CACNA1E: variants seen among roughly 807,000 people sequenced by gnomAD.
The protein encoded by CACNA1E is calcium voltage-gated channel subunit alpha1 E, also known as voltage-dependent R-type calcium channel subunit alpha-1E.
A neutral mutation model predicts 259.2 loss-of-function variants in CACNA1E; 40 were observed. That is an observed-to-expected ratio of 0.15 (90% CI 0.12 to 0.20). CACNA1E has a LOEUF of 0.20. Ranked by LOEUF, CACNA1E falls within the 10% of genes least tolerant of loss-of-function variation. The pLI is 1.00. For synonymous variants in CACNA1E, 1,104 were observed against 1,138.5 expected, an observed-to-expected ratio of 0.97 and a Z score of 0.61; for missense variants, 1,874 against 3,040.1, an observed-to-expected ratio of 0.62 and a Z score of 9.02.
intron 2 of CACNA1E, among the ~76,000 whole-genome samples, chr1:181,472,730 T>C (rs1234934372): frequency 5.9e-5 from 9 of 152,200 alleles, no homozygotes; most frequent in African/African-American, 2.2e-4. Context: ...TGCGTGTGTG[T>C]GCGCGCGCAC....
chr1:181,660,426 G>C (rs912692874), intron 7 of CACNA1E, among the ~76,000 whole-genome samples: 1 of 152,208 alleles, frequency 6.6e-6, no homozygotes, highest in Admixed American at 6.5e-5. Flanking sequence ...AGTCCAGAAG[G>C]CTAGTCCCTC....
Position 181,756,910 on chromosome 1 carries a change from G to T in CACNA1E, c.4128-15G>T, listed in dbSNP as rs746390981. The T allele has an allele frequency of 5.7e-6, 9 of 1,590,582 alleles. No homozygotes were observed. Among genetic ancestry groups the T allele is most frequent in the Non-Finnish European group, 7.8e-6 (9 of 1,158,750 alleles). ...TGTCATCCACCATCTGTGCCCTCTT[G>T]TTCTGTCCCCATAGAGTTCTGCAGC... On this transcript the variant is annotated splice_polypyrimidine_tract_variant and intron_variant, in intron 29 of 47. Transcript: ENST00000367573.
At chr1:181,597,374 G>A (rs1251520709) in intron 6 of CACNA1E, among the ~76,000 whole-genome samples, 1 of 152,214 alleles carries the variant, frequency 6.6e-6, no homozygotes, top group African/African-American at 2.4e-5. Context: ...TCACCAGGGA[G>A]TGAAGCCTCT....
intron 7 of CACNA1E, among the ~76,000 whole-genome samples, chr1:181,659,717 C>T (rs939622038): frequency 6.6e-6 from 1 of 152,178 alleles, no homozygotes; most frequent in Non-Finnish European, 1.5e-5. Context: ...TTCAAAGCAC[C>T]TTTGCTTTTG....
At chr1:181,675,425 C>A (rs1037882944) in intron 7 of CACNA1E, among the ~76,000 whole-genome samples, 1 of 152,146 alleles carries the variant, frequency 6.6e-6, no homozygotes, top group African/African-American at 2.4e-5. Flanking sequence ...AAAAATTTAC[C>A]TGATGGTGCT....
At chr1:181,360,875 T>C (rs998453500) in intron 1 of CACNA1E, among the ~76,000 whole-genome samples, 1 of 152,016 alleles carries the variant, frequency 6.6e-6, no homozygotes, top group African/African-American at 2.4e-5. Flanking sequence ...CAACTATATC[T>C]TTTCCAAGAT....
intron 6 of CACNA1E, among the ~76,000 whole-genome samples, chr1:181,620,119 T>C (rs1347879594): frequency 6.6e-6 from 1 of 152,118 alleles, no homozygotes; most frequent in East Asian, 1.9e-4. Flanking sequence ...ATGGCCAAGA[T>C]AGGGTTTTCT....
At chr1:181,330,295 A>G (rs1222896967) in intron 1 of CACNA1E, among the ~76,000 whole-genome samples, 1 of 148,618 alleles carries the variant, frequency 6.7e-6, no homozygotes, top group Non-Finnish European at 1.5e-5. Flanking sequence ...TTTCACCACC[A>G]CCCCTCCCTG....
In CACNA1E at chr1:181,758,029, T is replaced by C. The variant is rs1298140930; in HGVS notation, c.4412T>C (p.Val1471Ala). 1.2e-6 allele frequency: 2 copies of C among 1,613,948 alleles called. No individual in the cohort carries two copies. The highest frequency in any genetic ancestry group is 1.7e-6 in the Non-Finnish European group (2 of 1,179,844). ...PQNRHTFQYR[V>A]WHFVVSPSFE... is the part of the protein sequence containing the mutation. ...AACAGACACACCTTCCAGTACCGCG[T>C]GTGGCACTTTGTGGTGTCTCCGTCC... Residue 1471 changes from valine to alanine, a missense_variant, in exon 31 of 48, where the codon GTG becomes GCG. By Grantham distance (64) the Val-to-Ala change is moderately conservative. Transcript: ENST00000367573. The surrounding 1 kb of genome is among the most constrained non-coding windows in gnomAD (Gnocchi z 4.2).
At chr1:181,324,968 G>A (rs549146296) in intron 1 of CACNA1E, among the ~76,000 whole-genome samples, 1 of 152,260 alleles carries the variant, frequency 6.6e-6, no homozygotes, top group South Asian at 2.1e-4. Flanking sequence ...TTCCCATGCT[G>A]CACAGGATGC....
At chr1:181,482,907 C>G (rs1558039444), upstream of CACNA1E, among the ~76,000 whole-genome samples, 2 of 152,270 alleles carry the variant, frequency 1.3e-5, no homozygotes, top group African/African-American at 4.8e-5. Flanking sequence ...GGCGAGCGCT[C>G]CGGGCGGATG....
Position 181,726,180 on chromosome 1 carries a change from T to A in CACNA1E, c.2240+18T>A. ...TCGATCGAGTGAGTCAGCTGCCCCC[T>A]TCACTGATCCCTGAGCTCCTGTGCT... is the stretch of plus-strand genomic sequence containing the variant. On this transcript the variant is annotated intron_variant, in intron 18 of 47. Transcript: ENST00000367573. 6.3e-7 allele frequency: 1 copy of A among 1,576,704 alleles called. No individual in the cohort carries two copies. Among genetic ancestry groups the A allele is most frequent in the Non-Finnish European group, 8.7e-7 (1 of 1,150,152 alleles).
intron 37 of CACNA1E, among the ~76,000 whole-genome samples, chr1:181,774,509 G>C (rs1204222553): frequency 2.6e-5 from 4 of 152,366 alleles, no homozygotes; most frequent in Non-Finnish European, 5.9e-5. Flanking sequence ...CAGGCAGTCT[G>C]TTTATGGTGG....
At chr1:181,697,383 G>T (rs1344150347) in intron 7 of CACNA1E, among the ~76,000 whole-genome samples, 1 of 152,210 alleles carries the variant, frequency 6.6e-6, no homozygotes, top group Non-Finnish European at 1.5e-5. Flanking sequence ...TTTAAAAAGT[G>T]AGCTAGTATC....
intron 1 of CACNA1E, among the ~76,000 whole-genome samples, chr1:181,321,597 G>C (rs1299307599): frequency 6.6e-6 from 1 of 152,212 alleles, no homozygotes; most frequent in Non-Finnish European, 1.5e-5. Flanking sequence ...CTAGTTGATA[G>C]TGTGTTGGTT....
At chr1:181,347,076 T>C (rs1312943621) in intron 1 of CACNA1E, among the ~76,000 whole-genome samples, 1 of 152,184 alleles carries the variant, frequency 6.6e-6, no homozygotes, top group Non-Finnish European at 1.5e-5. Flanking sequence ...ACTGCCTTCC[T>C]GTTAGCACCA....
rs541977070 is a variant in CACNA1E at position 181,572,168 on chromosome 1, A to G, written c.513-5598A>G. Among the ~76,000 whole-genome samples, 17 of 152,316 alleles carry G rather than the reference A, an allele frequency of 1.1e-4. No individual in the cohort carries two copies. In the East Asian group the frequency reaches 3.3e-3, roughly 29 times the overall value. The stretch of plus-strand genomic sequence containing the variant: ...GAATGTGCCTGTGAAAAGATATTAT[A>G]GACCTGGATTGACAAGGAGGCTAGG... On this transcript the variant is annotated intron_variant, in intron 3 of 47. Coordinates refer to ENST00000367573, the MANE Select transcript of CACNA1E (RefSeq NM_001205293.3).
chr1:181,443,964 A>C (rs538030973), intron 2 of CACNA1E, among the ~76,000 whole-genome samples: 1 of 152,244 alleles, frequency 6.6e-6, no homozygotes, highest in Non-Finnish European at 1.5e-5. Context: ...GGGCCAGATC[A>C]AGAAGACATT....
At chr1:181,394,725 T>C (rs770694007) in intron 1 of CACNA1E, among the ~76,000 whole-genome samples, 2 of 152,102 alleles carry the variant, frequency 1.3e-5, no homozygotes, top group East Asian at 3.9e-4. Context: ...TGAGCAAATA[T>C]GTGAAGAAGA....
Sources: allele counts gnomAD v4.1 joint callset (sites outside exome capture counted in the v4.1 genomes callset), GRCh38; gene constraint gnomAD v4.1.1; non-coding constraint Gnocchi (gnomAD v3.1); transcripts MANE v1.5; gene names NCBI Gene and HGNC (gene_info 2026-07-23, HGNC 2026-07-21).